The following CHODL variants were observed in gnomAD, a reference collection of about 807,000 sequenced individuals.
The protein encoded by CHODL is chondrolectin.
A neutral mutation model predicts 34.5 loss-of-function variants in CHODL; 29 were observed. That is an observed-to-expected ratio of 0.84 (90% CI 0.63 to 1.15). The LOEUF is 1.15. CHODL is among the 50% of genes most tolerant of loss of function. CHODL has a pLI of 0.00. For missense variants in CHODL, 332 were observed against 332.5 expected (o/e 1.00, Z 0.01); for synonymous variants, 125 against 116.1 (o/e 1.08, Z -0.49).
At chr21:18,008,187 T>C (rs1456358535) in intron 1 of CHODL, among the ~76,000 whole-genome samples, 1 of 152,142 alleles carries the variant, frequency 6.6e-6, no homozygotes, top group Non-Finnish European at 1.5e-5. Context: ...ATACTTGATA[T>C]ACAGAAAAGT....
intron 1 of CHODL, among the ~76,000 whole-genome samples, chr21:17,955,579 A>G (rs1187962679): frequency 7.3e-6 from 1 of 137,212 alleles, no homozygotes; most frequent in Non-Finnish European, 1.7e-5. Flanking sequence ...CCAGGGGAGT[A>G]CTAATGCAGA....
intron 1 of CHODL, among the ~76,000 whole-genome samples, chr21:18,012,860 G>A (rs997972633): frequency 2.0e-5 from 3 of 152,288 alleles, no homozygotes; most frequent in East Asian, 1.9e-4. Flanking sequence ...TGTATCTGTT[G>A]TTTAATCTTA....
chr21:18,019,913 G>A (rs2064111946), intron 1 of CHODL, among the ~76,000 whole-genome samples: 1 of 151,908 alleles, frequency 6.6e-6, no homozygotes, highest in South Asian at 2.1e-4. Flanking sequence ...GCTTCTGCTT[G>A]GATACGGTGT....
chr21:18,108,147 C>CTTT (rs67320180), intron 2 of CHODL, among the ~76,000 whole-genome samples: 4 of 147,394 alleles, frequency 2.7e-5, no homozygotes, highest in African/African-American at 5.0e-5. Flanking sequence ...ATCAGATTCA[C>CTTT]TTTTTTTTTT....
At chr21:18,226,911 C>G (rs1371916719) in intron 2 of CHODL, among the ~76,000 whole-genome samples, 1 of 152,154 alleles carries the variant, frequency 6.6e-6, no homozygotes, top group Admixed American at 6.5e-5. Context: ...ATCTTTCTGC[C>G]AAACAAATTT....
intron 2 of CHODL, among the ~76,000 whole-genome samples, chr21:18,146,721 G>A (rs758825591): frequency 1.3e-5 from 2 of 152,104 alleles, no homozygotes; most frequent in Admixed American, 6.6e-5. Context: ...ATTTTTTACC[G>A]ATATCTCTCA....
At chr21:17,984,630 A>G (rs1255841897) in intron 1 of CHODL, among the ~76,000 whole-genome samples, 3 of 151,204 alleles carry the variant, frequency 2.0e-5, no homozygotes, top group Admixed American at 1.3e-4. Context: ...TAAGACATTT[A>G]TTTTTTAATA....
intron 2 of CHODL, among the ~76,000 whole-genome samples, chr21:18,145,858 G>A (rs767988084): frequency 6.6e-6 from 1 of 152,232 alleles, no homozygotes; most frequent in Non-Finnish European, 1.5e-5. Context: ...ACTCACACAT[G>A]TGGAACAACT....
chr21:18,042,283 C>T (rs1168672561), intron 2 of CHODL, among the ~76,000 whole-genome samples: 1 of 151,788 alleles, frequency 6.6e-6, no homozygotes, highest in Non-Finnish European at 1.5e-5. Flanking sequence ...ACCCCCTTCT[C>T]CCCACCCCCT....
upstream of CHODL, among the ~76,000 whole-genome samples, chr21:18,243,530 A>G (rs1015050676): frequency 2.0e-5 from 3 of 151,112 alleles, no homozygotes; most frequent in African/African-American, 7.4e-5. Context: ...ACATTATTGT[A>G]GTTATTTTAG....
chr21:17,955,500 C>A lies in CHODL; in HGVS notation c.-145+38100C>A, dbSNP rs1270076824. Among the ~76,000 whole-genome samples the A allele has an allele frequency of 1.5e-5, 2 of 136,806 alleles. 1 individual carries two copies. Among genetic ancestry groups the A allele is most frequent in the Non-Finnish European group, 3.3e-5 (2 of 60,252 alleles). 89.8% of individuals were successfully genotyped at this position (136,806 alleles called of 152,430 possible). A position where few individuals can be genotyped will look rare whatever the true frequency, so the allele number is the denominator to read the frequency against. On this transcript the variant is annotated intron_variant, in intron 1 of 6. Coordinates refer to the CHODL transcript ENST00000400127. ...TTACTTTTTTTTCCTCTTGGAAACA[C>A]CTTTAGTTTTCAGGAGAGTCCTAGG...
At chr21:17,957,676 T>G (rs1293738337) in intron 1 of CHODL, among the ~76,000 whole-genome samples, 1 of 151,792 alleles carries the variant, frequency 6.6e-6, no homozygotes, top group Non-Finnish European at 1.5e-5. Flanking sequence ...TTAAAAGAGA[T>G]GATGGTTCAA....
chr21:18,086,569 C>T (rs1465256474), intron 2 of CHODL, among the ~76,000 whole-genome samples: 1 of 152,104 alleles, frequency 6.6e-6, no homozygotes, highest in Non-Finnish European at 1.5e-5. Context: ...TTTTGTGTGA[C>T]TTATGATAGT....
chr21:17,940,278 A>G (rs1043755661), intron 1 of CHODL, among the ~76,000 whole-genome samples: 3 of 152,252 alleles, frequency 2.0e-5, no homozygotes, highest in Admixed American at 2.0e-4. Context: ...ATTATTCATA[A>G]CAGGCAAAAA....
chr21:18,224,547 C>T (rs1021779024), intron 2 of CHODL, among the ~76,000 whole-genome samples: 1 of 152,136 alleles, frequency 6.6e-6, no homozygotes, highest in South Asian at 2.1e-4. Flanking sequence ...ATGGTACCCA[C>T]CAGAAGCCTT....
At chr21:18,049,183 AC>A (rs370778242) in intron 2 of CHODL, among the ~76,000 whole-genome samples, 1 of 152,114 alleles carries the variant, frequency 6.6e-6, no homozygotes, top group African/African-American at 2.4e-5. Context: ...TAATTCTATT[AC>A]CAGTTGAATG....
At chr21:17,955,486 T>C (rs2063488638) in intron 1 of CHODL, among the ~76,000 whole-genome samples, 1 of 137,296 alleles carries the variant, frequency 7.3e-6, no homozygotes, top group African/African-American at 2.5e-5. Flanking sequence ...TACTTTTTTT[T>C]CCTCTTGGAA....
chr21:18,107,290 CAG>C (rs755039542), intron 2 of CHODL, among the ~76,000 whole-genome samples: 4 of 152,198 alleles, frequency 2.6e-5, no homozygotes, highest in Non-Finnish European at 5.9e-5. Context: ...AGCAAATAAA[CAG>C]AGCACCTAGT....
chr21:18,031,298 G>C (rs770231186), intron 2 of CHODL, among the ~76,000 whole-genome samples: 1 of 152,008 alleles, frequency 6.6e-6, no homozygotes, highest in Non-Finnish European at 1.5e-5. Context: ...CCTTACTAGG[G>C]CAACTTGCCT....
Sources: gnomAD v4.1 joint callset for allele counts (sites outside exome capture counted in the v4.1 genomes callset) on GRCh38, gnomAD v4.1.1 for gene constraint, MANE v1.5 for transcripts, NCBI Gene and HGNC (gene_info 2026-07-23, HGNC 2026-07-21) for gene names.